ATXN2: variants seen among roughly 807,000 people sequenced by gnomAD.
ATXN2 encodes the protein ataxin-2.
In ATXN2, 37 loss-of-function variants were observed where a neutral mutation model predicts 138.6. That is an observed-to-expected ratio of 0.27 (90% CI 0.21 to 0.35). The LOEUF (loss-of-function observed/expected upper bound fraction) is 0.35. ATXN2 is among the 10% of genes least tolerant of loss of function. The pLI, the probability that ATXN2 is intolerant of heterozygous loss-of-function variation, is 1.00. For synonymous variants in ATXN2, 549 were observed against 543.7 expected, an observed-to-expected ratio of 1.01 and a Z score of -0.13; for missense variants, 1,216 against 1,480.3, an observed-to-expected ratio of 0.82 and a Z score of 2.93.
chr12:111,455,877 T>C (rs1875049574), intron 23 of ATXN2, 152 bp downstream of exon 23: 2 of 775,050 alleles, frequency 2.6e-6, no homozygotes, highest in African/African-American at 1.7e-5. Context: ...AACATTCCCT[T>C]AGGGCCAGAT....
chr12:111,586,171 T>C (rs1566082244), intron 1 of ATXN2, among the ~76,000 whole-genome samples: 1 of 151,608 alleles, frequency 6.6e-6, no homozygotes, highest in Non-Finnish European at 1.5e-5. Context: ...TCCCAAAGTG[T>C]TGGGATTACA....
chr12:111,581,631 G>C, intron 1 of ATXN2: 1 of 773,064 alleles, frequency 1.3e-6, no homozygotes, highest in Non-Finnish European at 2.4e-6. Context: ...GTGAAGTCTA[G>C]GGACAAGAAG....
chr12:111,581,531 A>C lies in ATXN2; in HGVS notation c.251+17253T>G, dbSNP rs915086453. 50 of 1,007,302 alleles carry C rather than the reference A, an allele frequency of 5.0e-5. No individual in the cohort carries two copies. The African/African-American group carries it at 7.6e-4, about 15-fold the overall frequency. The allele number at this position is 1,007,302 out of a possible 1,614,324, so 62.4% of individuals were successfully genotyped here. ...CACCGTGATCCCCATCCACAGCGAG[A>C]ACTCCGTGCCCGACCATGTCGTCTG... On this transcript the variant is annotated intron_variant, in intron 1 of 24. Transcript: ENST00000673436.
At chr12:111,490,917 T>A (rs887606877) in intron 14 of ATXN2, among the ~76,000 whole-genome samples, 1 of 151,986 alleles carries the variant, frequency 6.6e-6, no homozygotes, top group Admixed American at 6.6e-5. Flanking sequence ...GAGGGAGTAT[T>A]TAGACTAGCC....
Position 111,482,482 on chromosome 12 carries a change from C to T in ATXN2, c.2524+2783G>A, listed in dbSNP as rs117476126. ...GTGCTGGATTACAGGCGTGAGCCAC[C>T]GTGCCCAGACTCTGAGTATATCATT... On this transcript the variant is annotated intron_variant, in intron 18 of 24. Coordinates refer to ENST00000673436, the MANE Select transcript of ATXN2 (RefSeq NM_001372574.1). Among the ~76,000 whole-genome samples the T allele has an allele frequency of 5.5e-3, 836 of 152,118 alleles. 5 individuals carry two copies. The highest frequency in any genetic ancestry group is 0.01 in the Admixed American group (158 of 15,250).
intron 14 of ATXN2, among the ~76,000 whole-genome samples, chr12:111,499,962 C>T (rs7136567): frequency 0.1 from 15,496 of 152,206 alleles, 2,653 homozygotes; most frequent in African/African-American, 0.35. Flanking sequence ...CAGGCAATAA[C>T]AAATGCTGGT....
intron 1 of ATXN2, among the ~76,000 whole-genome samples, chr12:111,582,814 G>A (rs1053028013): frequency 9.9e-5 from 15 of 151,702 alleles, no homozygotes; most frequent in African/African-American, 1.9e-4. Flanking sequence ...GATTACAGGC[G>A]CCCGCCACCA....
At chr12:111,554,940 A>T (rs1385650932) in intron 2 of ATXN2, among the ~76,000 whole-genome samples, 1 of 152,214 alleles carries the variant, frequency 6.6e-6, no homozygotes, top group Non-Finnish European at 1.5e-5. Context: ...GATCAACCAC[A>T]CTACTCCATA....
chr12:111,537,685 G>A (rs1051831384), intron 5 of ATXN2, among the ~76,000 whole-genome samples: 1 of 152,144 alleles, frequency 6.6e-6, no homozygotes, highest in African/African-American at 2.4e-5. Flanking sequence ...ATAGTTGCCT[G>A]GAGCTGGGGA....
At chr12:111,589,889 C>T (rs1447588370) in intron 1 of ATXN2, among the ~76,000 whole-genome samples, 1 of 150,982 alleles carries the variant, frequency 6.6e-6, no homozygotes, top group African/African-American at 2.4e-5. Context: ...ACTGCACTCC[C>T]GCCTGGGTGA....
At chr12:111,499,627 T>C (rs1878626716) in intron 14 of ATXN2, among the ~76,000 whole-genome samples, 1 of 150,166 alleles carries the variant, frequency 6.7e-6, no homozygotes, top group Non-Finnish European at 1.5e-5. Flanking sequence ...TGAGCCAAGA[T>C]CACACCACTA....
At chr12:111,456,285 G>A in intron 22 of ATXN2, 29 bp from the exon 23 acceptor site, 10 of 1,610,960 alleles carry the variant, frequency 6.2e-6, no homozygotes, top group Non-Finnish European at 8.5e-6. Context: ...GAATTGAGAG[G>A]AAAACTTCTT....
intron 1 of ATXN2, among the ~76,000 whole-genome samples, chr12:111,583,410 T>A (rs1285617627): frequency 6.6e-6 from 1 of 152,098 alleles, no homozygotes; most frequent in Non-Finnish European, 1.5e-5. Context: ...GAAATAGGGA[T>A]ACAATCAATA....
chr12:111,454,925 CA>C (rs1296988789), intron 23 of ATXN2: 7 of 654,614 alleles, frequency 1.1e-5, no homozygotes, highest in Admixed American at 6.2e-5. Context: ...CCACACGGAC[CA>C]AACCGGCTTC....
chr12:111,554,659 C>T (rs1882293976), intron 2 of ATXN2, among the ~76,000 whole-genome samples: 1 of 152,014 alleles, frequency 6.6e-6, no homozygotes, highest in African/African-American at 2.4e-5. Context: ...AGGACACAAA[C>T]CGTAAGGATG....
chr12:111,598,967 TGC>T lies in ATXN2; in HGVS notation c.66_67del (p.Gln23AlafsTer66). On this transcript the variant is annotated frameshift_variant, in exon 1 of 25. Coordinates refer to ENST00000673436, the MANE Select transcript of ATXN2 (RefSeq NM_001372574.1). LOFTEE classifies it high-confidence loss of function. The surrounding 1 kb of genome is among the most constrained non-coding windows in gnomAD (Gnocchi z 4.5). ...GGGCGGCGGCTGCTGCTGCTGCTGCTGCTGCTGCTGTTGCTGCTGCTGCTGCT... is the reference window on the plus strand; with the variant it reads ...GGGCGGCGGCTGCTGCTGCTGCTGCTTGCTGCTGTTGCTGCTGCTGCTGCT... The T allele has an allele frequency of 1.3e-6, 2 of 1,503,428 alleles. No homozygotes were observed. The highest frequency in any genetic ancestry group is 2.1e-5 in the Admixed American group (1 of 48,058). 93.1% of individuals were successfully genotyped at this position (1,503,428 alleles called of 1,614,324 possible). A position where few individuals can be genotyped will look rare whatever the true frequency, so the allele number is the denominator to read the frequency against.
chr12:111,492,573 T>A (rs979071622), intron 14 of ATXN2, among the ~76,000 whole-genome samples: 1 of 151,812 alleles, frequency 6.6e-6, no homozygotes, highest in Non-Finnish European at 1.5e-5. Context: ...TCCCAGCTAC[T>A]CAGGAGGCTG....
chr12:111,462,672 T>C (rs1008123673), intron 21 of ATXN2, among the ~76,000 whole-genome samples: 5 of 152,186 alleles, frequency 3.3e-5, no homozygotes, highest in Admixed American at 3.3e-4. Context: ...TAGGGGAAGT[T>C]GTGCTAAGGC....
At chr12:111,535,957 G>A (rs1025791930) in intron 5 of ATXN2, among the ~76,000 whole-genome samples, 9 of 143,706 alleles carry the variant, frequency 6.3e-5, no homozygotes, top group African/African-American at 2.7e-5. Context: ...CCGAGATCCC[G>A]CCACTGCACT....
Sources: allele counts gnomAD v4.1 joint callset (sites outside exome capture counted in the v4.1 genomes callset), GRCh38; gene constraint gnomAD v4.1.1; non-coding constraint Gnocchi (gnomAD v3.1); transcripts MANE v1.5; gene names NCBI Gene and HGNC (gene_info 2026-07-23, HGNC 2026-07-21).